Variants in THBS1 observed in about 807,000 individuals in gnomAD.
THBS1 encodes thrombospondin-1.
THBS1 carries 29 observed loss-of-function variants against 126.1 expected under a neutral mutation model. That is an observed-to-expected ratio of 0.23 (90% CI 0.17 to 0.31). THBS1 has a LOEUF of 0.31. Ranked by LOEUF, THBS1 falls within the 10% of genes least tolerant of loss-of-function variation. The pLI, the probability that THBS1 is intolerant of heterozygous loss-of-function variation, is 1.00. For missense variants in THBS1, 1,198 were observed against 1,545.2 expected (o/e 0.78, Z 3.77); for synonymous variants, 496 against 577.8 (o/e 0.86, Z 2.03).
In THBS1 at chr15:39,595,628, G is replaced by C. The variant is rs140804308; in HGVS notation, c.*259G>C. The C allele has an allele frequency of 3.2e-6, 2 of 617,038 alleles. No individual in the cohort carries two copies. The highest frequency in any genetic ancestry group is 6.0e-6 in the Non-Finnish European group (2 of 331,922). The allele number at this position is 617,038 out of a possible 1,614,324, so 38.2% of individuals were successfully genotyped here. On this transcript the variant is annotated 3_prime_UTR_variant, in exon 22 of 22. Coordinates refer to ENST00000260356, the MANE Select transcript of THBS1 (RefSeq NM_003246.4). ...ATTGCTTTGGTTTCCTTTTGAAAAA[G>C]CATCTACTTGCTTCAGTTGGGAAGG...
Position 39,589,836 on chromosome 15 carries a change from G to A in THBS1, c.1958G>A (p.Gly653Glu). 6.2e-7 allele frequency: 1 copy of A among 1,613,898 alleles called. No homozygotes were observed. Among genetic ancestry groups the A allele is most frequent in the Non-Finnish European group, 8.5e-7 (1 of 1,179,862 alleles). Residue 653 changes from glycine to glutamate, a missense_variant, in exon 13 of 22, where the codon GGG becomes GAG. By Grantham distance (98) the Gly-to-Glu change is moderately conservative. Around this residue, in one of 4 missense-constraint regions of THBS1, gnomAD observed 663 missense variants for 860.1 expected, o/e 0.77. Transcript: ENST00000260356. This position sits in a 1 kb window ranked among gnomAD's most constrained non-coding sequence, Gnocchi z 4.7. ...AAGCCCCGTAACCCCTGCACGGATG[G>A]GACCCACGACTGCAACAAGAACGCC... ...VCKPRNPCTD[G>E]THDCNKNAKC... is the part of the protein sequence containing the mutation.
chr15:39,588,781 C>T (rs2140347213), intron 10 of THBS1, 82 bp downstream of exon 10: 1 of 1,556,350 alleles, frequency 6.4e-7, no homozygotes, highest in East Asian at 2.3e-5. Context: ...GAGGAGATTC[C>T]AGCTTGGTTA....
chr15:39,589,095 C>T lies in THBS1; in HGVS notation c.1773+9C>T, dbSNP rs1444026626. ...GCACAGATGTTGATGAGGTGAGGAA[C>T]TGATGGGGCTCCGAGTTTCTGGATC... On this transcript the variant is annotated intron_variant, in intron 11 of 21. Coordinates refer to ENST00000260356, the MANE Select transcript of THBS1 (RefSeq NM_003246.4). This position sits in a 1 kb window ranked among gnomAD's most constrained non-coding sequence, Gnocchi z 4.7. 2 of 1,613,350 alleles carry T rather than the reference C, an allele frequency of 1.2e-6. No individual in the cohort carries two copies. Among genetic ancestry groups the T allele is most frequent in the East Asian group, 2.2e-5 (1 of 44,878 alleles).
chr15:39,588,315 C>A, intron 9 of THBS1, 97 bp downstream of exon 9: 1 of 1,434,062 alleles, frequency 7.0e-7, no homozygotes, highest in Non-Finnish European at 9.3e-7. Context: ...GGTCATAGAG[C>A]AGGAAGGTTA....
rs559900205 is a variant in THBS1, at chr15:39,594,946, G to C, written c.3506-416G>C. On this transcript the variant is annotated intron_variant, in intron 21 of 21. Transcript: ENST00000260356. This position sits in a 1 kb window ranked among gnomAD's most constrained non-coding sequence, Gnocchi z 4.4. The stretch of plus-strand genomic sequence containing the variant: ...CTTAGTCATTACTTAAGCTCGCTGA[G>C]TCCAACACTGGCTCTACCACAAAAT... 6.6e-6 allele frequency among the ~76,000 whole-genome samples: 1 copy of C among 152,148 alleles called. No homozygotes were observed. Among genetic ancestry groups the C allele is most frequent in the East Asian group, 1.9e-4 (1 of 5,172 alleles).
In THBS1 at chr15:39,594,091, T is replaced by C. The variant is rs2140351297; in HGVS notation, c.3268-8T>C. 6.2e-7 allele frequency: 1 copy of C among 1,610,318 alleles called. No individual in the cohort carries two copies. The highest frequency in any genetic ancestry group is 8.5e-7 in the Non-Finnish European group (1 of 1,178,222). ...GTGTTTCAACCTTTCCTTTTCCTTT[T>C]CCTTCAGGTGCGCACCCTGTGGCAT... On this transcript the variant is annotated splice_region_variant and splice_polypyrimidine_tract_variant and intron_variant, in intron 19 of 21. Transcript: ENST00000260356. The surrounding 1 kb of genome is among the most constrained non-coding windows in gnomAD (Gnocchi z 4.4).
chr15:39,598,952 T>TG lies in THBS1; in HGVS notation c.*3584dup, dbSNP rs1348323840. The TG allele has an allele frequency of 1.3e-5, 2 of 152,134 alleles. No individual in the cohort carries two copies. The highest frequency in any genetic ancestry group is 2.9e-5 in the Non-Finnish European group (2 of 68,042). The allele number at this position is 152,134 out of a possible 1,614,324, so 9.4% of individuals were successfully genotyped here. ...TCTTTTTATTTTTGAGATGAAGTCT[T>TG]GCTCTGTCGCCCAGGCTGGAGTGCA... is the stretch of plus-strand genomic sequence containing the variant. On this transcript the variant is annotated 3_prime_UTR_variant, in exon 22 of 22. Transcript: ENST00000260356.
chr15:39,588,730 C>T (rs1890263141), intron 10 of THBS1, 31 bp downstream of exon 10: 1 of 1,552,022 alleles, frequency 6.4e-7, no homozygotes, highest in Non-Finnish European at 8.7e-7. Context: ...TGAAACGACC[C>T]AGGAGCTTTG....
Position 39,582,579 on chromosome 15 carries a change from C to G in THBS1, c.454C>G (p.Gln152Glu). 1.9e-6 allele frequency: 3 copies of G among 1,614,136 alleles called. No individual in the cohort carries two copies. Among genetic ancestry groups the G allele is most frequent in the Non-Finnish European group, 2.5e-6 (3 of 1,180,038 alleles). Residue 152 changes from glutamine to glutamate, a missense_variant, in exon 3 of 22, where the codon CAG becomes GAG. By Grantham distance (29) the Gln-to-Glu change is conservative (BLOSUM62 2). Transcript: ENST00000260356. ...SVEEALLATGQWKSITLFVQE... is the reference protein window; with the variant it reads ...SVEEALLATGEWKSITLFVQE... Reference sequence around the variant, plus strand: ...GGAAGAAGCTCTCCTGGCAACCGGCCAGTGGAAGAGCATCACCCTGTTTGT... The same window carrying G: ...GGAAGAAGCTCTCCTGGCAACCGGCGAGTGGAAGAGCATCACCCTGTTTGT...
intron 21 of THBS1, 94 bp from the exon 22 acceptor site, chr15:39,595,268 C>A: frequency 1.3e-6 from 1 of 780,410 alleles, no homozygotes; most frequent in Non-Finnish European, 1.9e-6. Context: ...AAAAGTAGAG[C>A]TATTCCTATG....
rs879801079 is a variant in THBS1 at position 39,597,275 on chromosome 15, G to GTTTTTTTTTTTTTTTTTT, written c.*1910_*1911insTTTTTTTTTTTTTTTTTT. On this transcript the variant is annotated 3_prime_UTR_variant, in exon 22 of 22. Transcript: ENST00000260356. ...GAATTGTTGGTTTTTTCTTTTTTTTGTTTTGTTTTTTTTTTTTTTTTTTTT... is the reference window on the plus strand; with the variant it reads ...GAATTGTTGGTTTTTTCTTTTTTTTGTTTTTTTTTTTTTTTTTTTTTTGTTTTTTTTTTTTTTTTTTTT... 2.5e-4 allele frequency: 13 copies of GTTTTTTTTTTTTTTTTTT among 52,590 alleles called. No homozygotes were observed. The highest frequency in any genetic ancestry group is 5.5e-4 in the African/African-American group (7 of 12,740). The allele number at this position is 52,590 out of a possible 1,614,324, so 3.3% of individuals were successfully genotyped here. A position where few individuals can be genotyped will look rare whatever the true frequency, so the allele number is the denominator to read the frequency against.
intron 8 of THBS1, 84 bp from the exon 9 acceptor site, chr15:39,587,958 A>T: frequency 7.2e-7 from 1 of 1,388,972 alleles, no homozygotes; most frequent in Non-Finnish European, 9.8e-7. Context: ...TTTCCTGGAA[A>T]TACTTCTGCG....
rs754193571 is a variant in THBS1, at chr15:39,592,748, G to T, written c.2713G>T (p.Asp905Tyr). 6.2e-7 allele frequency: 1 copy of T among 1,614,158 alleles called. No individual in the cohort carries two copies. Among genetic ancestry groups the T allele is most frequent in the East Asian group, 2.2e-5 (1 of 44,882 alleles). Residue 905 changes from aspartate to tyrosine, a missense_variant, in exon 17 of 22, where the codon GAT becomes TAT. Asp to Tyr is a radical substitution (Grantham distance 160). This residue lies in a region of THBS1 where 255 missense variants were observed against 373.9 expected (regional missense o/e 0.68). Transcript: ENST00000260356. The surrounding 1 kb of genome is among the most constrained non-coding windows in gnomAD (Gnocchi z 4.3). ...DHDDDNDGIPDDKDNCRLVPN... is the reference protein window; with the variant it reads ...DHDDDNDGIPYDKDNCRLVPN... ...CGATGATGACAACGATGGCATTCCT[G>T]ATGACAAGGACAACTGCAGACTCGT...
chr15:39,594,074 A>ACCTTTC lies in THBS1; in HGVS notation c.3268-23_3268-18dup, dbSNP rs1393785397. ...CTTTACCTGAAGGAGCTGTGTTTCA[A>ACCTTTC]CCTTTCCTTTTCCTTTTCCTTCAGG... On this transcript the variant is annotated intron_variant, in intron 19 of 21. Coordinates refer to ENST00000260356, the MANE Select transcript of THBS1 (RefSeq NM_003246.4). This position sits in a 1 kb window ranked among gnomAD's most constrained non-coding sequence, Gnocchi z 4.4. 5 of 1,602,812 alleles carry ACCTTTC rather than the reference A, an allele frequency of 3.1e-6. No homozygotes were observed. Among genetic ancestry groups the ACCTTTC allele is most frequent in the Non-Finnish European group, 4.3e-6 (5 of 1,173,392 alleles).
At chr15:39,581,642 CT>C in intron 1 of THBS1, 186 bp from the exon 2 acceptor site, 7 of 331,330 alleles carry the variant, frequency 2.1e-5, no homozygotes, top group South Asian at 1.3e-4. Context: ...TCCTCCACCT[CT>C]CTCTCTCTCT....
In THBS1 at chr15:39,589,698, A is replaced by G. The variant is rs1468915108; in HGVS notation, c.1927-107A>G. 8.2e-7 allele frequency: 1 copy of G among 1,226,554 alleles called. No individual in the cohort carries two copies. The highest frequency in any genetic ancestry group is 2.5e-5 in the East Asian group (1 of 39,316). 76.0% of individuals were successfully genotyped at this position (1,226,554 alleles called of 1,614,324 possible). On this transcript the variant is annotated intron_variant, in intron 12 of 21. Transcript: ENST00000260356. The surrounding 1 kb of genome is among the most constrained non-coding windows in gnomAD (Gnocchi z 4.7). ...GACAGAGGTAACCCACACTCTTCCA[A>G]ATGGAGCCTCTGTCTACTCAGAGAT... is the stretch of plus-strand genomic sequence containing the variant.
At position 39,589,347 on chromosome 15, in the gene THBS1, A is replaced by C; in HGVS notation, c.1919A>C (p.Asn640Thr). The C allele has an allele frequency of 6.2e-7, 1 of 1,613,992 alleles. No individual in the cohort carries two copies. The highest frequency in any genetic ancestry group is 8.5e-7 in the Non-Finnish European group (1 of 1,180,010). The change falls in exon 12 of 22, where the codon AAC (asparagine) becomes ACC (threonine). Residue 640 changes from asparagine to threonine, a missense_variant. Coordinates refer to ENST00000260356, the MANE Select transcript of THBS1 (RefSeq NM_003246.4). The surrounding 1 kb of genome is among the most constrained non-coding windows in gnomAD (Gnocchi z 4.7). ...CAGGGTGTCGAACATGCCACGGCCA[A>C]CAAACAGGTACAGTCAACTAGACGA... ...FGQGVEHATA[N>T]KQVCKPRNPC...
chr15:39,582,268 T>A lies in THBS1; in HGVS notation c.143T>A (p.Leu48Gln), dbSNP rs767728044. 2 of 1,614,162 alleles carry A rather than the reference T, an allele frequency of 1.2e-6. No individual in the cohort carries two copies. The highest frequency in any genetic ancestry group is 3.3e-5 in the Admixed American group (2 of 60,030). ...GCCCGCAAGGGGTCTGGGCGCCGAC[T>A]GGTGAAGGGCCCCGACCCTTCCAGC... is the stretch of plus-strand genomic sequence containing the variant. ...GAARKGSGRR[L>Q]VKGPDPSSPA... Residue 48 changes from leucine (L) to glutamine (Q), a missense_variant, in exon 3 of 22, where the codon CTG becomes CAG. Leu to Gln is a moderately radical substitution (Grantham distance 113, BLOSUM62 -2). Coordinates refer to ENST00000260356, the MANE Select transcript of THBS1 (RefSeq NM_003246.4).
intron 8 of THBS1, 124 bp from the exon 9 acceptor site, chr15:39,587,918 C>T (rs543032745): frequency 5.3e-6 from 5 of 940,710 alleles, no homozygotes; most frequent in African/African-American, 3.3e-5. Context: ...CCAATTTCTA[C>T]CGTACACTGG....
Sources: gnomAD v4.1 joint callset for allele counts (sites outside exome capture counted in the v4.1 genomes callset) on GRCh38, gnomAD v4.1.1 for gene constraint, gnomAD v4.1.1 regional missense constraint, Gnocchi (gnomAD v3.1) non-coding constraint, MANE v1.5 for transcripts, NCBI Gene and HGNC (gene_info 2026-07-23, HGNC 2026-07-21) for gene names.